DNM2: variants seen among roughly 807,000 people sequenced by gnomAD.
The protein encoded by DNM2 is dynamin 2, also known as dynamin-2.
Under a neutral mutation model 99.0 loss-of-function variants are expected in DNM2, and 15 were observed. The ratio of observed to expected loss-of-function variants is 0.15; its 90% CI spans 0.10 to 0.23. The LOEUF (loss-of-function observed/expected upper bound fraction) is 0.23. Among genes scored for constraint, DNM2 ranks in the 10% least tolerant of loss-of-function variants. DNM2 has a pLI of 1.00. For synonymous variants in DNM2, 525 were observed against 481.2 expected (o/e 1.09, Z -1.19); for missense variants, 742 against 1,189.4 (o/e 0.62, Z 5.53).
At chr19:10,751,332 G>T (rs534815587) in intron 1 of DNM2, among the ~76,000 whole-genome samples, 1 of 152,276 alleles carries the variant, frequency 6.6e-6, no homozygotes, top group Admixed American at 6.5e-5. Flanking sequence ...TGCACAGAGG[G>T]CACTGTAGCA....
chr19:10,830,478 G>T lies in DNM2; in HGVS notation c.2543+100G>T, dbSNP rs965641668. 7.4e-6 allele frequency: 10 copies of T among 1,359,964 alleles called. No individual in the cohort carries two copies. The African/African-American group carries it at 1.1e-4, about 16-fold the overall frequency. The allele number at this position is 1,359,964 out of a possible 1,614,324, so 84.2% of individuals were successfully genotyped here. On this transcript the variant is annotated intron_variant, in intron 20 of 20. Coordinates refer to ENST00000389253, the MANE Select transcript of DNM2 (RefSeq NM_001005361.3). The surrounding 1 kb of genome is among the most constrained non-coding windows in gnomAD (Gnocchi z 4.8). ...GTGAGCTCTCACTACGTGCCCAGCT[G>T]CTGGAGTGGAGGAATCGTCCTCATC...
At chr19:10,718,659 C>A in intron 1 of DNM2, 2 of 368,524 alleles carry the variant, frequency 5.4e-6, no homozygotes, top group Non-Finnish European at 4.5e-6. Context: ...GCGCTGGAAC[C>A]CTGCGGTCCA....
Position 10,739,573 on chromosome 19 carries a change from G to T in DNM2, c.162-20165G>T, listed in dbSNP as rs181457435. On this transcript the variant is annotated intron_variant, in intron 1 of 20. Transcript: ENST00000389253. The stretch of plus-strand genomic sequence containing the variant: ...CATGTTTTCAAGATTCATCCATGCT[G>T]GTTGGGTGCAGTGGCGCACGCCTGT... Among the ~76,000 whole-genome samples the T allele has an allele frequency of 2.6e-4, 39 of 152,320 alleles. No individual in the cohort carries two copies. The East Asian group carries it at 7.5e-3, about 29-fold the overall frequency.
chr19:10,824,265 G>T (rs2073074215), intron 17 of DNM2: 1 of 318,608 alleles, frequency 3.1e-6, no homozygotes, highest in East Asian at 8.0e-5. Context: ...ACTTTGGGAG[G>T]CTGAGGTGGG....
intron 6 of DNM2, 43 bp from the exon 7 acceptor site, chr19:10,786,521 C>T (rs755766430): frequency 2.0e-5 from 33 of 1,612,984 alleles, no homozygotes; most frequent in Non-Finnish European, 2.8e-5. Flanking sequence ...CCCTGGTATC[C>T]TGCCCATGCC....
chr19:10,818,476 C>T lies in DNM2; in HGVS notation c.1672-1504C>T, dbSNP rs956949765. Among the ~76,000 whole-genome samples the T allele has an allele frequency of 6.6e-6, 1 of 152,200 alleles. No individual in the cohort carries two copies. The highest frequency in any genetic ancestry group is 1.5e-5 in the Non-Finnish European group (1 of 68,040). On this transcript the variant is annotated intron_variant, in intron 15 of 20. Transcript: ENST00000389253. This position sits in a 1 kb window ranked among gnomAD's most constrained non-coding sequence, Gnocchi z 4.3. ...GAAATGGGAGGTGGCGGGGAAGTGG[C>T]TTGCCCGAGGGCACACGGCCAGGAA... is the stretch of plus-strand genomic sequence containing the variant.
At chr19:10,727,494 T>C (rs2069152752) in intron 1 of DNM2, among the ~76,000 whole-genome samples, 2 of 152,040 alleles carry the variant, frequency 1.3e-5, no homozygotes, top group South Asian at 4.1e-4. Flanking sequence ...GCCTCCCAAT[T>C]AGCTGGGACC....
chr19:10,785,553 C>G (rs950231098), intron 6 of DNM2, among the ~76,000 whole-genome samples: 2 of 152,210 alleles, frequency 1.3e-5, no homozygotes, highest in African/African-American at 4.8e-5. Context: ...GCCTTAGCCT[C>G]CTGAGTAGCT....
chr19:10,718,220 T>C lies in DNM2; in HGVS notation c.-23T>C. 3 of 1,451,256 alleles carry C rather than the reference T, an allele frequency of 2.1e-6. No homozygotes were observed. Among genetic ancestry groups the C allele is most frequent in the Non-Finnish European group, 1.8e-6 (2 of 1,098,570 alleles). The allele number at this position is 1,451,256 out of a possible 1,614,324, so 89.9% of individuals were successfully genotyped here. A position where few individuals can be genotyped will look rare whatever the true frequency, so the allele number is the denominator to read the frequency against. On this transcript the variant is annotated 5_prime_UTR_variant, in exon 1 of 21. Coordinates refer to ENST00000389253, the MANE Select transcript of DNM2 (RefSeq NM_001005361.3). ...GCGGCGGGCGAGGAGCGCAGGGCGC[T>C]CGGGCCGGGGGCCGCCGGCGCCATG...
At chr19:10,760,524 G>A (rs1355030855) in intron 2 of DNM2, among the ~76,000 whole-genome samples, 3 of 152,000 alleles carry the variant, frequency 2.0e-5, no homozygotes, top group African/African-American at 7.3e-5. Context: ...TGTCATCCAC[G>A]TCCCAGTTTC....
Position 10,816,113 on chromosome 19 carries a change from G to T in DNM2, c.1671+3736G>T, listed in dbSNP as rs1034473383. ...GGTGACTTGCCCCACATCATGGAGCGGGGGAGGGTCCCCCTGGGGTGGAGG... is the reference window on the plus strand; with the variant it reads ...GGTGACTTGCCCCACATCATGGAGCTGGGGAGGGTCCCCCTGGGGTGGAGG... On this transcript the variant is annotated intron_variant, in intron 15 of 20. Transcript: ENST00000389253. The surrounding 1 kb of genome is among the most constrained non-coding windows in gnomAD (Gnocchi z 4.6). Among the ~76,000 whole-genome samples, 1 of 152,194 alleles carries T rather than the reference G, an allele frequency of 6.6e-6. No homozygotes were observed. Among genetic ancestry groups the T allele is most frequent in the East Asian group, 1.9e-4 (1 of 5,166 alleles).
intron 1 of DNM2, among the ~76,000 whole-genome samples, chr19:10,723,991 G>A (rs1197112477): frequency 6.6e-6 from 1 of 152,072 alleles, no homozygotes; most frequent in Non-Finnish European, 1.5e-5. Flanking sequence ...GGCTGAGGCC[G>A]GAGGATGGCT....
intron 1 of DNM2, 189 bp downstream of exon 1, chr19:10,718,592 A>C (rs1726413705): frequency 1.1e-6 from 1 of 870,960 alleles, no homozygotes; most frequent in Non-Finnish European, 1.5e-6. Flanking sequence ...GGGGCTCCGG[A>C]GCAGGCCCGG....
At chr19:10,794,611 A>G (rs955399569) in intron 8 of DNM2, among the ~76,000 whole-genome samples, 1 of 151,972 alleles carries the variant, frequency 6.6e-6, no homozygotes, top group Non-Finnish European at 1.5e-5. Context: ...GTGTGGTGGC[A>G]TGTGCCTGTA....
intron 1 of DNM2, 32 bp from the exon 2 acceptor site, chr19:10,759,706 G>T (rs754531979): frequency 1.2e-6 from 2 of 1,613,770 alleles, no homozygotes; most frequent in Non-Finnish European, 8.5e-7. Context: ...CCGGACGCAA[G>T]AGTAATTTCT....
chr19:10,746,527 G>A (rs960872608), intron 1 of DNM2, among the ~76,000 whole-genome samples: 9 of 151,986 alleles, frequency 5.9e-5, no homozygotes, highest in East Asian at 1.9e-4. Context: ...AGGTTCAAGC[G>A]ATTCTCCCAC....
At chr19:10,801,865 A>G (rs192563571) in intron 11 of DNM2, among the ~76,000 whole-genome samples, 1 of 150,360 alleles carries the variant, frequency 6.7e-6, no homozygotes, top group East Asian at 2.0e-4. Flanking sequence ...AGATTGTCCC[A>G]CTGCACTCCA....
At chr19:10,767,498 T>C (rs986500960) in intron 2 of DNM2, among the ~76,000 whole-genome samples, 2 of 152,186 alleles carry the variant, frequency 1.3e-5, no homozygotes, top group Admixed American at 1.3e-4. Context: ...TTTTTGTACA[T>C]GTAGGATCTT....
At chr19:10,726,844 C>T (rs1010333135) in intron 1 of DNM2, among the ~76,000 whole-genome samples, 4 of 152,142 alleles carry the variant, frequency 2.6e-5, no homozygotes, top group Non-Finnish European at 4.4e-5. Flanking sequence ...GCCTGGGCAA[C>T]AGAGCGAGAC....
Sources: gnomAD v4.1 joint callset for allele counts (sites outside exome capture counted in the v4.1 genomes callset) on GRCh38, gnomAD v4.1.1 for gene constraint, Gnocchi (gnomAD v3.1) non-coding constraint, MANE v1.5 for transcripts, NCBI Gene and HGNC (gene_info 2026-07-23, HGNC 2026-07-21) for gene names.